Variants in CXCL17 observed in about 807,000 individuals in gnomAD.
CXCL17 encodes C-X-C motif chemokine 17.
Under a neutral mutation model 15.5 loss-of-function variants are expected in CXCL17, and 9 were observed. That is an observed-to-expected ratio of 0.58 (90% CI 0.35 to 1.01). The LOEUF is 1.01. Ranked by LOEUF, CXCL17 falls within the 50% of genes least tolerant of loss-of-function variation. The pLI is 0.02. For missense variants in CXCL17, 133 were observed against 138.2 expected (o/e 0.96, Z 0.19); for synonymous variants, 52 against 52.3 (o/e 0.99, Z 0.02).
chr19:42,437,336 T>C (rs112483797), intron 1 of CXCL17, among the ~76,000 whole-genome samples: 3 of 152,338 alleles, frequency 2.0e-5, no homozygotes, highest in African/African-American at 7.2e-5. Context: ...CTTAGTTTTT[T>C]CCTAACATGC....
chr19:42,436,170 C>T (rs559463278), intron 1 of CXCL17, among the ~76,000 whole-genome samples: 11 of 151,752 alleles, frequency 7.2e-5, no homozygotes, highest in African/African-American at 1.2e-4. Context: ...TTGTTCAACA[C>T]GTGGATGGAT....
chr19:42,431,063 C>T (rs746480980), intron 3 of CXCL17, among the ~76,000 whole-genome samples: 11 of 152,256 alleles, frequency 7.2e-5, no homozygotes, highest in Non-Finnish European at 1.6e-4. Flanking sequence ...TGGTCTCGAA[C>T]TCCTGACCTC....
intron 1 of CXCL17, among the ~76,000 whole-genome samples, chr19:42,442,324 C>T (rs555569689): frequency 1.3e-5 from 2 of 150,194 alleles, no homozygotes; most frequent in East Asian, 4.0e-4. Flanking sequence ...GCCTCCACCT[C>T]CTGGGTTCCA....
chr19:42,434,059 C>T (rs2040810266), intron 1 of CXCL17, among the ~76,000 whole-genome samples: 2 of 152,194 alleles, frequency 1.3e-5, no homozygotes, highest in African/African-American at 4.8e-5. Context: ...GTCTTGAACT[C>T]TTGGGCTCCA....
At chr19:42,440,376 T>G (rs2040879470) in intron 1 of CXCL17, among the ~76,000 whole-genome samples, 1 of 152,186 alleles carries the variant, frequency 6.6e-6, no homozygotes, top group South Asian at 2.1e-4. Context: ...TGAGATTTAT[T>G]TTGGGGATGG....
At chr19:42,430,849 T>C (rs2147690908) in intron 3 of CXCL17, among the ~76,000 whole-genome samples, 2 of 152,282 alleles carry the variant, frequency 1.3e-5, no homozygotes, top group South Asian at 4.1e-4. Flanking sequence ...TTTTTGTTTT[T>C]GTTTTTGAGA....
chr19:42,433,086 A>G lies in CXCL17; in HGVS notation c.161-9T>C. On this transcript the variant is annotated splice_polypyrimidine_tract_variant and intron_variant, in intron 2 of 3. Transcript: ENST00000601181. ...GGCTCTCAGGAACCAATCTGGAACA[A>G]CAGCATTGCTGCTTAGATGGGAGAG... 3 of 1,594,910 alleles carry G rather than the reference A, an allele frequency of 1.9e-6. No individual in the cohort carries two copies.
At chr19:42,433,581 C>T (rs2040804611) in intron 2 of CXCL17, among the ~76,000 whole-genome samples, 195 bp downstream of exon 2, 2 of 152,242 alleles carry the variant, frequency 1.3e-5, no homozygotes, top group South Asian at 2.1e-4. Flanking sequence ...TGGCTTTCCC[C>T]TAGACCTTGG....
intron 1 of CXCL17, among the ~76,000 whole-genome samples, chr19:42,436,760 T>G (rs1197099601): frequency 1.3e-5 from 2 of 152,214 alleles, no homozygotes; most frequent in African/African-American, 4.8e-5. Context: ...TTCCCATTGC[T>G]GAATATTTAG....
intron 1 of CXCL17, among the ~76,000 whole-genome samples, chr19:42,436,414 A>C (rs1391075543): frequency 6.6e-6 from 1 of 152,222 alleles, no homozygotes; most frequent in Non-Finnish European, 1.5e-5. Context: ...AGTTCCAGAG[A>C]AAAACCACAG....
chr19:42,439,233 A>T (rs2040867097), intron 1 of CXCL17, among the ~76,000 whole-genome samples: 1 of 142,132 alleles, frequency 7.0e-6, no homozygotes. Flanking sequence ...CAGCCTAGGC[A>T]ACAGAGCAAG....
chr19:42,428,868 TG>T lies in CXCL17; in HGVS notation c.*15del. 1 of 1,590,710 alleles carries T rather than the reference TG, an allele frequency of 6.3e-7. No individual in the cohort carries two copies. ...GGCTGAGAATGTTTAATTGGAAGAGTGGGCGCTCAGAGCTCCTACAAAGGCA... is the reference window on the plus strand; with the variant it reads ...GGCTGAGAATGTTTAATTGGAAGAGTGGCGCTCAGAGCTCCTACAAAGGCA... On this transcript the variant is annotated 3_prime_UTR_variant, in exon 4 of 4. Transcript: ENST00000601181.
chr19:42,433,037 C>T lies in CXCL17; in HGVS notation c.201G>A (p.Val67=). ...LRAPRRKFMT[V]SGLPKKQCPC... is the part of the protein sequence containing the mutation. ...GGCACTGCTTCTTTGGCAGCCCAGA[C>T]ACTGTCATGAATTTTCTTCTCGGGG... is the stretch of plus-strand genomic sequence containing the variant. The change falls in exon 3 of 4, where the codon GTG becomes GTA. Residue 67 remains valine, a synonymous_variant. Transcript: ENST00000601181. 1.2e-6 allele frequency: 2 copies of T among 1,614,132 alleles called. No individual in the cohort carries two copies. Among genetic ancestry groups the T allele is most frequent in the Non-Finnish European group, 1.7e-6 (2 of 1,180,010 alleles).
intron 1 of CXCL17, among the ~76,000 whole-genome samples, chr19:42,435,646 A>G (rs1211106031): frequency 2.6e-5 from 4 of 152,068 alleles, no homozygotes; most frequent in African/African-American, 7.2e-5. Context: ...CCTGGCCAAC[A>G]TAGTGAAACC....
rs867080958 is a variant in CXCL17 at position 42,438,387 on chromosome 19, T to A, written c.79+4367A>T. ...AAAAAAAAAAAAAAAAAAAAATATATATATATATATATATATATAAAATAC... is the reference window on the plus strand; with the variant it reads ...AAAAAAAAAAAAAAAAAAAAATATAAATATATATATATATATATAAAATAC... On this transcript the variant is annotated intron_variant, in intron 1 of 3. Coordinates refer to ENST00000601181, the MANE Select transcript of CXCL17 (RefSeq NM_198477.3). 9.0e-3 allele frequency among the ~76,000 whole-genome samples: 767 copies of A among 85,602 alleles called. 16 individuals carry two copies. The highest frequency in any genetic ancestry group is 0.033 in the African/African-American group (485 of 14,820). The allele number at this position is 85,602 out of a possible 152,430, so 56.2% of individuals were successfully genotyped here. A position where few individuals can be genotyped will look rare whatever the true frequency, so the allele number is the denominator to read the frequency against.
chr19:42,433,442 G>A (rs972463228), intron 2 of CXCL17, among the ~76,000 whole-genome samples: 2 of 152,188 alleles, frequency 1.3e-5, no homozygotes, highest in African/African-American at 4.8e-5. Context: ...TTGCCTGTGA[G>A]TAAAATAAGG....
At chr19:42,438,381 A>T (rs867738045) in intron 1 of CXCL17, among the ~76,000 whole-genome samples, 585 of 63,384 alleles carry the variant, frequency 9.2e-3, no homozygotes, top group Non-Finnish European at 0.013. Context: ...AAAAAAAAAA[A>T]ATATATATAT....
chr19:42,433,783 C>T lies in CXCL17; in HGVS notation c.153G>A (p.Glu51=), dbSNP rs149733662. 67 of 1,613,828 alleles carry T rather than the reference C, an allele frequency of 4.2e-5. No homozygotes were observed. The African/African-American group carries it at 7.3e-4, about 18-fold the overall frequency. Residue 51 remains glutamate (E), a synonymous_variant, in exon 2 of 4, where the codon GAG becomes GAA. Transcript: ENST00000601181. ...TGTTGCTGAATTACTGACCTTTGCACTCACATTCTTGGCCGCCTTCCTGGA... is the reference window on the plus strand; with the variant it reads ...TGTTGCTGAATTACTGACCTTTGCATTCACATTCTTGGCCGCCTTCCTGGA... The part of the protein sequence containing the change: ...RWLQEGGQEC[E]CKDWFLRAPR...
At chr19:42,436,297 A>T (rs893493486) in intron 1 of CXCL17, among the ~76,000 whole-genome samples, 1 of 152,156 alleles carries the variant, frequency 6.6e-6, no homozygotes, top group Non-Finnish European at 1.5e-5. Context: ...CTGCTTTTCC[A>T]ATGTTCTCAT....
Sources: gnomAD v4.1 joint callset for allele counts (sites outside exome capture counted in the v4.1 genomes callset) on GRCh38, gnomAD v4.1.1 for gene constraint, MANE v1.5 for transcripts, NCBI Gene and HGNC (gene_info 2026-07-23, HGNC 2026-07-21) for gene names.